Variants in MBP observed in about 807,000 individuals in gnomAD.
MBP encodes myelin basic protein.
MBP carries 16 observed loss-of-function variants against 35.8 expected under a neutral mutation model. The ratio of observed to expected loss-of-function variants is 0.45; its 90% CI spans 0.30 to 0.68. The LOEUF (loss-of-function observed/expected upper bound fraction) is 0.68, where lower values mean the gene tolerates loss of function less well. Ranked by LOEUF, MBP falls within the 30% of genes least tolerant of loss-of-function variation. The pLI is 0.08. For synonymous variants in MBP, 143 were observed against 159.6 expected (o/e 0.90, Z 0.78); for missense variants, 380 against 404.7 (o/e 0.94, Z 0.52).
intron 1 of MBP, among the ~76,000 whole-genome samples, chr18:77,124,670 T>C (rs1976993155): frequency 6.6e-6 from 1 of 152,196 alleles, no homozygotes; most frequent in South Asian, 2.1e-4. Context: ...AGATAGGAGA[T>C]AGGGCTTTGG....
intron 1 of MBP, among the ~76,000 whole-genome samples, chr18:77,125,675 TTAACTGTTGTAAG>T (rs957758355): frequency 9.9e-5 from 15 of 152,188 alleles, no homozygotes; most frequent in African/African-American, 3.6e-4. Context: ...TCTGGGTAGT[TTAACTGTTGTAAG>T]TAAATCATAG....
intron 2 of MBP, among the ~76,000 whole-genome samples, chr18:77,074,619 G>A (rs1974582248): frequency 6.6e-6 from 1 of 152,122 alleles, no homozygotes; most frequent in Non-Finnish European, 1.5e-5. Flanking sequence ...AGAGTGGTGG[G>A]GTCAAAGGAA....
intron 1 of MBP, 117 bp from the exon 2 acceptor site, chr18:77,105,403 GA>G (rs959887280): frequency 1.7e-6 from 1 of 596,902 alleles, no homozygotes; most frequent in African/African-American, 1.9e-5. Flanking sequence ...TTGAGAAGAC[GA>G]AACCAAGGCC....
Position 76,979,840 on chromosome 18 carries a change from C to CG in MBP, c.*586_*587insC. The CG allele has an allele frequency of 1.5e-6, 1 of 648,926 alleles. No homozygotes were observed. The highest frequency in any genetic ancestry group is 2.3e-5 in the Admixed American group (1 of 43,036). 40.2% of individuals were successfully genotyped at this position (648,926 alleles called of 1,614,324 possible). A position where few individuals can be genotyped will look rare whatever the true frequency, so the allele number is the denominator to read the frequency against. On this transcript the variant is annotated 3_prime_UTR_variant, in exon 9 of 9. Coordinates refer to ENST00000355994, the MANE Select transcript of MBP (RefSeq NM_001025101.2). ...TCTCTGTGCTGCCCCACGTTGGACT[C>CG]TAACAGCTGCCCAGCCCGCATGTCA...
At chr18:77,129,151 T>C (rs1977156851) in intron 1 of MBP, among the ~76,000 whole-genome samples, 1 of 152,258 alleles carries the variant, frequency 6.6e-6, no homozygotes, top group South Asian at 2.1e-4. Context: ...TTCTGTATTC[T>C]AGATCCTGGC....
At chr18:77,014,891 A>G (rs1971542863) in intron 4 of MBP, 2 of 983,892 alleles carry the variant, frequency 2.0e-6, no homozygotes, top group African/African-American at 3.5e-5. Context: ...AAAAGAATGG[A>G]TACTTCAAAA....
At chr18:77,122,497 CGG>C (rs57813407) in intron 1 of MBP, among the ~76,000 whole-genome samples, 4,022 of 152,240 alleles carry the variant, frequency 0.026, 181 homozygotes, top group African/African-American at 0.09. Flanking sequence ...AAGTGAACTG[CGG>C]CATAGAAGAC....
At chr18:77,032,362 A>G (rs1972573433) in intron 3 of MBP, among the ~76,000 whole-genome samples, 1 of 152,234 alleles carries the variant, frequency 6.6e-6, no homozygotes, top group Admixed American at 6.5e-5. Flanking sequence ...GATTTCTTGA[A>G]AACTTTCCCA....
chr18:76,982,106 T>G (rs1051461317), intron 8 of MBP: 1 of 152,228 alleles, frequency 6.6e-6, no homozygotes, highest in African/African-American at 2.4e-5. Context: ...AGGAAACCCG[T>G]TTTTCCCCGT....
Position 77,017,283 on chromosome 18 carries a change from G to C in MBP, c.140-15C>G. 6.6e-7 allele frequency: 1 copy of C among 1,504,224 alleles called. No homozygotes were observed. 93.2% of individuals were successfully genotyped at this position (1,504,224 alleles called of 1,614,324 possible). A position where few individuals can be genotyped will look rare whatever the true frequency, so the allele number is the denominator to read the frequency against. On this transcript the variant is annotated splice_polypyrimidine_tract_variant and intron_variant, in intron 3 of 8. Coordinates refer to ENST00000355994, the MANE Select transcript of MBP (RefSeq NM_001025101.2). ...ATCTGCCTCTCCTGCAAACAACAAT[G>C]AGATATGAATACGGGCCTGTGCAAA... is the stretch of plus-strand genomic sequence containing the variant.
intron 3 of MBP, among the ~76,000 whole-genome samples, chr18:77,023,483 A>T (rs565212638): frequency 6.6e-6 from 1 of 152,136 alleles, no homozygotes; most frequent in South Asian, 2.1e-4. Flanking sequence ...TCACTGCGAC[A>T]TCGTGGCTAA....
intron 4 of MBP, 82 bp downstream of exon 4, chr18:77,016,750 C>T: frequency 1.3e-6 from 2 of 1,545,328 alleles, no homozygotes; most frequent in Non-Finnish European, 1.7e-6. Context: ...GCCAGTTCTT[C>T]CTCTAATGGC....
chr18:77,087,974 G>A (rs1002720668), intron 2 of MBP, among the ~76,000 whole-genome samples: 2 of 152,090 alleles, frequency 1.3e-5, no homozygotes, highest in Non-Finnish European at 2.9e-5. Flanking sequence ...GAGGGGAGCG[G>A]GAGGAGCAGG....
At chr18:77,016,046 A>G (rs2123457080) in intron 4 of MBP, 1 of 985,452 alleles carries the variant, frequency 1.0e-6, no homozygotes. Flanking sequence ...TGCATCTGCA[A>G]TCTGAATGGC....
intron 2 of MBP, among the ~76,000 whole-genome samples, chr18:77,103,147 G>T (rs1424925582): frequency 1.3e-5 from 2 of 152,178 alleles, no homozygotes; most frequent in Admixed American, 1.3e-4. Context: ...TTCCATGGAT[G>T]ATTTGAAAGC....
intron 1 of MBP, among the ~76,000 whole-genome samples, chr18:77,120,980 G>A (rs1239248910): frequency 2.0e-5 from 3 of 152,126 alleles, no homozygotes; most frequent in Non-Finnish European, 4.4e-5. Context: ...TGTGTGAAAC[G>A]TAATCCACAT....
At chr18:77,062,677 C>T (rs775105996) in intron 3 of MBP, among the ~76,000 whole-genome samples, 2 of 152,130 alleles carry the variant, frequency 1.3e-5, no homozygotes, top group Admixed American at 6.5e-5. Flanking sequence ...TTCACAGAGA[C>T]GAGGAGGAAG....
chr18:77,070,490 G>T (rs1224645089), intron 2 of MBP, among the ~76,000 whole-genome samples: 1 of 152,192 alleles, frequency 6.6e-6, no homozygotes, highest in Admixed American at 6.5e-5. Flanking sequence ...AACAGCTCGG[G>T]ACATTACCAC....
intron 1 of MBP, among the ~76,000 whole-genome samples, chr18:77,112,169 G>GCGCGCGCGCACACACACACA (rs370587502): frequency 1.3e-5 from 2 of 150,874 alleles, no homozygotes; most frequent in African/African-American, 4.9e-5. Flanking sequence ...CCGTGCACAC[G>GCGCGCGCGCACACACACACA]CACACACACA....
Sources: gnomAD v4.1 joint callset for allele counts (sites outside exome capture counted in the v4.1 genomes callset) on GRCh38, gnomAD v4.1.1 for gene constraint, MANE v1.5 for transcripts, NCBI Gene and HGNC (gene_info 2026-07-23, HGNC 2026-07-21) for gene names.